The following CDK12 variants were observed in gnomAD, a reference collection of about 807,000 sequenced individuals.
CDK12 encodes the protein cyclin dependent kinase 12, also known as cyclin-dependent kinase 12.
A neutral mutation model predicts 133.8 loss-of-function variants in CDK12; 17 were observed. The observed-to-expected ratio is 0.13, with a 90% CI of 0.09 to 0.19. CDK12 has a LOEUF of 0.19. Among genes scored for constraint, CDK12 ranks in the 10% least tolerant of loss-of-function variants. The probability of loss-of-function intolerance (pLI) is 1.00; values close to 1 mark genes in which losing one functional copy is unlikely to be tolerated. For missense variants in CDK12, 1,508 were observed against 1,818.7 expected (o/e 0.83, Z 3.11); for synonymous variants, 694 against 683.6 (o/e 1.02, Z -0.24).
chr17:39,556,522 T>C (rs1040323986), intron 3 of CDK12: 6 of 152,144 alleles, frequency 3.9e-5, no homozygotes, highest in African/African-American at 1.4e-4. Flanking sequence ...GGCACACTGG[T>C]TTATTAGTGT....
Position 39,470,916 on chromosome 17 carries a change from T to C in CDK12, c.1084T>C (p.Tyr362His), listed in dbSNP as rs751710276. ...SMKSRSRSPA[Y>H]SRHSSSHSKK... The stretch of plus-strand genomic sequence containing the variant: ...GAAGTCCAGAAGTAGAAGTCCTGCA[T>C]ATTCAAGACATTCATCTTCTCATAG... Residue 362 changes from tyrosine to histidine, a missense_variant, in exon 2 of 14, where the codon TAT (tyrosine) becomes CAT (histidine). Around this residue, in one of 9 missense-constraint regions of CDK12, gnomAD observed 460 missense variants for 490.8 expected, o/e 0.94. Coordinates refer to ENST00000447079, the MANE Select transcript of CDK12 (RefSeq NM_016507.4). 15 of 1,610,582 alleles carry C rather than the reference T, an allele frequency of 9.3e-6. No homozygotes were observed. The highest frequency in any genetic ancestry group is 1.7e-4 in the Middle Eastern group (1 of 6,034).
intron 3 of CDK12, among the ~76,000 whole-genome samples, chr17:39,557,439 C>G (rs1254538963): frequency 6.6e-6 from 1 of 152,152 alleles, no homozygotes; most frequent in Non-Finnish European, 1.5e-5. Context: ...TGGAGGCATC[C>G]TAGTCATGGC....
At chr17:39,489,991 A>G (rs969476813) in intron 2 of CDK12, among the ~76,000 whole-genome samples, 5 of 151,740 alleles carry the variant, frequency 3.3e-5, no homozygotes, top group African/African-American at 1.2e-4. Flanking sequence ...GGAACGATAT[A>G]TTAAGAGTTT....
chr17:39,555,477 C>T (rs2056118792), intron 2 of CDK12, among the ~76,000 whole-genome samples: 1 of 151,934 alleles, frequency 6.6e-6, no homozygotes, highest in Admixed American at 6.6e-5. Context: ...AGATTAGCCA[C>T]TCCTTGTGTA....
Position 39,530,392 on chromosome 17 carries a change from T to C in CDK12, c.3761-212T>C, listed in dbSNP as rs1163500240. 4 of 570,608 alleles carry C rather than the reference T, an allele frequency of 7.0e-6. No homozygotes were observed. The Admixed American group carries it at 1.2e-4, about 16-fold the overall frequency. The allele number at this position is 570,608 out of a possible 1,614,324, so 35.3% of individuals were successfully genotyped here. A position where few individuals can be genotyped will look rare whatever the true frequency, so the allele number is the denominator to read the frequency against. ...GGATAATCATTTGAAACATATGATA[T>C]TTTTACACTAGCTGTTAGATCCAGG... On this transcript the variant is annotated intron_variant, in intron 13 of 13. Transcript: ENST00000447079.
rs1184631339 is a variant in CDK12 at position 39,532,140 on chromosome 17, C to CTCTCTGTCTCTCTCTCTG, written c.*827_*828insCTGTCTCTCTCTCTGTCT. ...TCTCTCTCTCTCTCTCTCTCTCTCT[C>CTCTCTGTCTCTCTCTCTG]TCTGTCTCGCTTGCTCGCTCTCGCT... On this transcript the variant is annotated 3_prime_UTR_variant, in exon 14 of 14. Coordinates refer to ENST00000447079, the MANE Select transcript of CDK12 (RefSeq NM_016507.4). 4.6e-6 allele frequency: 1 copy of CTCTCTGTCTCTCTCTCTG among 218,854 alleles called. No homozygotes were observed. Among genetic ancestry groups the CTCTCTGTCTCTCTCTCTG allele is most frequent in the Non-Finnish European group, 8.9e-6 (1 of 112,142 alleles). 13.6% of individuals were successfully genotyped at this position (218,854 alleles called of 1,614,324 possible). A position where few individuals can be genotyped will look rare whatever the true frequency, so the allele number is the denominator to read the frequency against.
At position 39,553,944 on chromosome 17, in the gene CDK12, A is replaced by G. The variant is rs1023539815; in HGVS notation, n.357-2342A>G. ...GAGCAGGGGAGGCCCCAACTATAAAAAAAACAGGGAAATGGGAGAGAAGAG... is the reference window on the plus strand; with the variant it reads ...GAGCAGGGGAGGCCCCAACTATAAAGAAAACAGGGAAATGGGAGAGAAGAG... On this transcript the variant is annotated intron_variant and non_coding_transcript_variant, in intron 2 of 3. Transcript: ENST00000558240. 4.6e-5 allele frequency among the ~76,000 whole-genome samples: 7 copies of G among 152,320 alleles called. No individual in the cohort carries two copies. In the South Asian group the frequency reaches 1.2e-3, roughly 27 times the overall value.
In CDK12 at chr17:39,461,951, C is replaced by T. The variant is rs1207195729; in HGVS notation, c.-121C>T. 27 of 763,316 alleles carry T rather than the reference C, an allele frequency of 3.5e-5. 1 individual carries two copies. In the South Asian group the frequency reaches 4.4e-4, roughly 12 times the overall value. The allele number at this position is 763,316 out of a possible 1,614,324, so 47.3% of individuals were successfully genotyped here. A position where few individuals can be genotyped will look rare whatever the true frequency, so the allele number is the denominator to read the frequency against. On this transcript the variant is annotated 5_prime_UTR_variant, in exon 1 of 14. Transcript: ENST00000447079. ...AGGAGCCTGGGCTACCGTCCCTGCC[C>T]TCCCCACCCCCTTCCCGGGGCGCTT... is the stretch of plus-strand genomic sequence containing the variant.
chr17:39,471,745 G>C lies in CDK12; in HGVS notation c.1913G>C (p.Gly638Ala), dbSNP rs587778183. 4.3e-6 allele frequency: 7 copies of C among 1,612,144 alleles called. No individual in the cohort carries two copies. The Admixed American group carries it at 1.0e-4, about 23-fold the overall frequency. The change falls in exon 2 of 14, where the codon GGA (glycine) becomes GCA (alanine). Residue 638 changes from glycine to alanine, a missense_variant. Gly to Ala is a moderately conservative substitution (Grantham distance 60). Coordinates refer to ENST00000447079, the MANE Select transcript of CDK12 (RefSeq NM_016507.4). Reference protein sequence around the residue: ...PPLPLPPLLPGDDDMDSPKET... With the variant: ...PPLPLPPLLPADDDMDSPKET... ...TTGCCCCTCCCACCCTTATTACCTGGAGATGATGACATGGATAGGTAAGTC... is the reference window on the plus strand; with the variant it reads ...TTGCCCCTCCCACCCTTATTACCTGCAGATGATGACATGGATAGGTAAGTC...
Position 39,526,038 on chromosome 17 carries a change from C to A in CDK12, c.3482C>A (p.Thr1161Lys). 6.2e-7 allele frequency: 1 copy of A among 1,614,174 alleles called. No individual in the cohort carries two copies. Among genetic ancestry groups the A allele is most frequent in the Non-Finnish European group, 8.5e-7 (1 of 1,180,026 alleles). Reference sequence around the variant, plus strand: ...CTGAACCAATCCATCAGTGCCCTGACGGAAGCTACTTCCCAGCAGCAGGAC... The same window carrying A: ...CTGAACCAATCCATCAGTGCCCTGAAGGAAGCTACTTCCCAGCAGCAGGAC... Reference protein sequence around the residue: ...EALNQSISALTEATSQQQDSE... With the variant: ...EALNQSISALKEATSQQQDSE... Residue 1161 changes from threonine to lysine, a missense_variant, in exon 13 of 14, where the codon ACG (threonine) becomes AAG (lysine). Thr to Lys is a moderately conservative substitution (Grantham distance 78). Around this residue, in one of 9 missense-constraint regions of CDK12, gnomAD observed 399 missense variants for 469.6 expected, o/e 0.85. Transcript: ENST00000447079.
chr17:39,534,669 A>G (rs2055050949), downstream of CDK12: 1 of 203,126 alleles, frequency 4.9e-6, no homozygotes. Flanking sequence ...TTATAGACTC[A>G]TTAACTCCCC....
chr17:39,496,402 T>A (rs1208828602), intron 5 of CDK12, among the ~76,000 whole-genome samples: 1 of 149,854 alleles, frequency 6.7e-6, no homozygotes, highest in Non-Finnish European at 1.5e-5. Context: ...ATTTTCAGTT[T>A]AAAAAAAAAA....
upstream of CDK12, chr17:39,549,249 T>A (rs1274335139): frequency 1.3e-5 from 2 of 152,234 alleles, no homozygotes; most frequent in Admixed American, 1.3e-4. Flanking sequence ...TTACCTAAAA[T>A]GCTAGGGACA....
chr17:39,500,260 G>A (rs1416440907), intron 5 of CDK12, among the ~76,000 whole-genome samples: 1 of 152,058 alleles, frequency 6.6e-6, no homozygotes, highest in Non-Finnish European at 1.5e-5. Flanking sequence ...GAGCCCAGGA[G>A]TTTGAGGCTG....
At chr17:39,512,284 T>A (rs549754594) in intron 8 of CDK12, among the ~76,000 whole-genome samples, 2 of 152,160 alleles carry the variant, frequency 1.3e-5, no homozygotes, top group African/African-American at 4.8e-5. Context: ...AAATTGTAAA[T>A]GGATTAAAGG....
downstream of CDK12, among the ~76,000 whole-genome samples, chr17:39,536,450 A>G (rs2055139201): frequency 6.6e-6 from 1 of 152,186 alleles, no homozygotes; most frequent in African/African-American, 2.4e-5. Flanking sequence ...TGTGTTATGT[A>G]GGGTACAAAA....
rs1163646753 is a variant in CDK12, at chr17:39,463,023, T to A, written c.952T>A (p.Ser318Thr). 6.2e-7 allele frequency: 1 copy of A among 1,614,112 alleles called. No homozygotes were observed. The highest frequency in any genetic ancestry group is 1.1e-5 in the South Asian group (1 of 91,078). The change falls in exon 1 of 14, where the codon TCT becomes ACT. Residue 318 changes from serine to threonine, a missense_variant. Transcript: ENST00000447079. ...GTCGTCCAGCTACGAAAGAAGTGGC[T>A]CTTACAGCGGGCGATCGCCCAGTCC... ...RRSSSYERSG[S>T]YSGRSPSPYG...
Position 39,530,711 on chromosome 17 carries a change from C to T in CDK12, c.3868C>T (p.Pro1290Ser), listed in dbSNP as rs1314353285. ...PLVEGDLSSA[P>S]QELNPAVTAA... Reference sequence around the variant, plus strand: ...GGTTGAAGGCGATCTTTCCAGCGCCCCCCAGGAGTTGAACCCAGCCGTGAC... The same window carrying T: ...GGTTGAAGGCGATCTTTCCAGCGCCTCCCAGGAGTTGAACCCAGCCGTGAC... Residue 1290 changes from proline to serine, a missense_variant, in exon 14 of 14, where the codon CCC (proline) becomes TCC (serine). Physicochemically the swap from Pro to Ser is moderately conservative, Grantham distance 74. Coordinates refer to ENST00000447079, the MANE Select transcript of CDK12 (RefSeq NM_016507.4). 1 of 1,614,034 alleles carries T rather than the reference C, an allele frequency of 6.2e-7. No homozygotes were observed. Among genetic ancestry groups the T allele is most frequent in the Non-Finnish European group, 8.5e-7 (1 of 1,180,004 alleles).
intron 3 of CDK12, chr17:39,556,791 A>T (rs1379749682): frequency 1.3e-5 from 2 of 152,254 alleles, no homozygotes; most frequent in Non-Finnish European, 2.9e-5. Context: ...ATGCTTGGGC[A>T]CCAGCAGGGT....
Sources: gnomAD v4.1 joint callset for allele counts (sites outside exome capture counted in the v4.1 genomes callset) on GRCh38, gnomAD v4.1.1 for gene constraint, gnomAD v4.1.1 regional missense constraint, MANE v1.5 for transcripts, NCBI Gene and HGNC (gene_info 2026-07-23, HGNC 2026-07-21) for gene names.